Variants in HIVEP3 observed in about 807,000 individuals in gnomAD.
The protein encoded by HIVEP3 is HIVEP zinc finger 3.
HIVEP3 carries 49 observed loss-of-function variants against 152.8 expected under a neutral mutation model. The ratio of observed to expected loss-of-function variants is 0.32; its 90% CI spans 0.26 to 0.41. HIVEP3 has a LOEUF of 0.41. HIVEP3 is among the 10% of genes least tolerant of loss of function. The pLI is 1.00. For synonymous variants in HIVEP3, 1,269 were observed against 1,289.0 expected (o/e 0.98, Z 0.33); for missense variants, 2,790 against 3,103.3 (o/e 0.90, Z 2.40).
At chr1:42,002,901 G>A (rs1481533765) in intron 1 of HIVEP3, among the ~76,000 whole-genome samples, 1 of 152,130 alleles carries the variant, frequency 6.6e-6, no homozygotes, top group African/African-American at 2.4e-5. Flanking sequence ...CCCGCACATG[G>A]TAGCTGGACA....
intron 3 of HIVEP3, among the ~76,000 whole-genome samples, chr1:41,618,053 A>G (rs1644994096): frequency 1.3e-5 from 2 of 152,188 alleles, no homozygotes; most frequent in African/African-American, 4.8e-5. Context: ...CTTACTAGAA[A>G]GGCGTAGTGT....
At chr1:41,531,869 A>T (rs111162028) in intron 5 of HIVEP3, among the ~76,000 whole-genome samples, 1 of 50,734 alleles carries the variant, frequency 2.0e-5, no homozygotes, top group Non-Finnish European at 4.2e-5. Context: ...GATGGAGGAC[A>T]GGAGAGATGG....
chr1:41,692,353 C>T (rs1646210911), intron 2 of HIVEP3, among the ~76,000 whole-genome samples: 1 of 152,182 alleles, frequency 6.6e-6, no homozygotes, highest in Non-Finnish European at 1.5e-5. Flanking sequence ...TTCTGGTGTT[C>T]CCAAGCACAG....
At chr1:41,778,748 G>A (rs1463376700) in intron 1 of HIVEP3, among the ~76,000 whole-genome samples, 2 of 152,226 alleles carry the variant, frequency 1.3e-5, no homozygotes, top group South Asian at 2.1e-4. Flanking sequence ...ATGTGCTAGA[G>A]GGGAGGTGAA....
chr1:41,754,783 A>G (rs534843482), intron 1 of HIVEP3, among the ~76,000 whole-genome samples: 9 of 152,198 alleles, frequency 5.9e-5, no homozygotes, highest in Non-Finnish European at 1.3e-4. Context: ...GCAACCAAAG[A>G]AATGCAATTT....
At chr1:41,911,244 A>G (rs2985846) in intron 1 of HIVEP3, among the ~76,000 whole-genome samples, 22,814 of 152,154 alleles carry the variant, frequency 0.15, 1,841 homozygotes, top group Admixed American at 0.24. Context: ...AAAGGTCAAC[A>G]GCGTATGAAA....
intron 3 of HIVEP3, among the ~76,000 whole-genome samples, chr1:41,592,854 C>T (rs1644607172): frequency 6.6e-6 from 1 of 152,224 alleles, no homozygotes; most frequent in Admixed American, 6.5e-5. Context: ...GAAAACTACC[C>T]CTGCCCAGGG....
chr1:41,667,294 G>A (rs1051139222), intron 2 of HIVEP3, among the ~76,000 whole-genome samples: 63 of 152,254 alleles, frequency 4.1e-4, no homozygotes, highest in Non-Finnish European at 3.7e-4. Context: ...ACTACAGGAG[G>A]CCAGTTGGCC....
chr1:41,894,445 G>GTGTGCAGCA (rs1644497869), intron 1 of HIVEP3, among the ~76,000 whole-genome samples: 1 of 152,160 alleles, frequency 6.6e-6, no homozygotes, highest in Admixed American at 6.5e-5. Context: ...TCCTATCAAG[G>GTGTGCAGCA]TGTGCAGCAA....
intron 1 of HIVEP3, among the ~76,000 whole-genome samples, chr1:41,910,834 G>A (rs1008200958): frequency 6.6e-6 from 1 of 151,916 alleles, no homozygotes; most frequent in Non-Finnish European, 1.5e-5. Flanking sequence ...CTACAGAACA[G>A]GAGTAGTTCC....
intron 1 of HIVEP3, among the ~76,000 whole-genome samples, chr1:42,027,558 C>T (rs1213265092): frequency 6.6e-6 from 1 of 152,188 alleles, no homozygotes; most frequent in Admixed American, 6.5e-5. Flanking sequence ...GCCACAATGT[C>T]CTCCTTGCTG....
intron 1 of HIVEP3, among the ~76,000 whole-genome samples, chr1:41,895,573 T>A (rs1367066125): frequency 2.0e-5 from 3 of 152,238 alleles, no homozygotes; most frequent in African/African-American, 7.2e-5. Flanking sequence ...CATTTCAGAC[T>A]AAATAAATAT....
intron 3 of HIVEP3, among the ~76,000 whole-genome samples, chr1:41,600,821 A>C (rs1396815928): frequency 6.6e-6 from 1 of 152,100 alleles, no homozygotes; most frequent in East Asian, 1.9e-4. Flanking sequence ...TTATGTCATA[A>C]AGTTTTCTCC....
At chr1:41,531,536 CAG>C in intron 5 of HIVEP3, among the ~76,000 whole-genome samples, 1 of 62,440 alleles carries the variant, frequency 1.6e-5, no homozygotes, top group African/African-American at 6.2e-5. Flanking sequence ...AGATGGAGGA[CAG>C]GGGAGATGGA....
intron 3 of HIVEP3, among the ~76,000 whole-genome samples, chr1:41,607,398 T>C (rs761799712): frequency 1.3e-4 from 20 of 152,218 alleles, no homozygotes; most frequent in Non-Finnish European, 1.9e-4. Flanking sequence ...TCCATAATGA[T>C]ATTTTACAAT....
chr1:41,908,148 C>A lies in HIVEP3; in HGVS notation c.-801+10265G>T, dbSNP rs186463962. Among the ~76,000 whole-genome samples, 3 of 152,068 alleles carry A rather than the reference C, an allele frequency of 2.0e-5. No individual in the cohort carries two copies. In the East Asian group the frequency reaches 5.8e-4, roughly 29 times the overall value. On this transcript the variant is annotated intron_variant, in intron 1 of 8. Transcript: ENST00000372583. ...TCTAGTAAGTGGAAGAGGAAAGAGA[C>A]CATCTCTAATCCTAACTCACTCTGT...
rs543879839 is a variant in HIVEP3, at chr1:41,588,093, G to C, written c.-521-2775C>G. Among the ~76,000 whole-genome samples the C allele has an allele frequency of 2.0e-4, 30 of 152,320 alleles. 1 individual carries two copies. The highest frequency in any genetic ancestry group is 1.1e-3 in the Admixed American group (17 of 15,308). Reference sequence around the variant, plus strand: ...CCCAGGTCTTGCTTACCTAAGCTAAGGCGGGCAGAAGTGCTGAGCCTTCTA... The same window carrying C: ...CCCAGGTCTTGCTTACCTAAGCTAACGCGGGCAGAAGTGCTGAGCCTTCTA... On this transcript the variant is annotated intron_variant, in intron 3 of 8. Coordinates refer to ENST00000372583, the MANE Select transcript of HIVEP3 (RefSeq NM_024503.5).
intron 1 of HIVEP3, among the ~76,000 whole-genome samples, chr1:41,916,532 C>T (rs2124470664): frequency 6.6e-6 from 1 of 152,250 alleles, no homozygotes; most frequent in South Asian, 2.1e-4. Context: ...GTCACACCAC[C>T]CTCTCCTCCT....
intron 1 of HIVEP3, among the ~76,000 whole-genome samples, chr1:41,744,015 A>T (rs886351901): frequency 6.6e-6 from 1 of 151,620 alleles, no homozygotes; most frequent in African/African-American, 2.4e-5. Flanking sequence ...TTCCCTTCTG[A>T]CTTGAGTTCA....
Sources: gnomAD v4.1 joint callset for allele counts (sites outside exome capture counted in the v4.1 genomes callset) on GRCh38, gnomAD v4.1.1 for gene constraint, MANE v1.5 for transcripts, NCBI Gene and HGNC (gene_info 2026-07-23, HGNC 2026-07-21) for gene names.